The following ITFG1 variants were observed in gnomAD, a reference collection of about 807,000 sequenced individuals.
The protein encoded by ITFG1 is integrin alpha FG-GAP repeat containing 1, also known as T-cell immunomodulatory protein.
ITFG1 carries 34 observed loss-of-function variants against 81.8 expected under a neutral mutation model. The ratio of observed to expected loss-of-function variants is 0.42; its 90% CI spans 0.32 to 0.55. The LOEUF (loss-of-function observed/expected upper bound fraction) is 0.55. Ranked by LOEUF, ITFG1 falls within the 20% of genes least tolerant of loss-of-function variation. The probability of loss-of-function intolerance (pLI) is 0.17; values close to 1 mark genes in which losing one functional copy is unlikely to be tolerated. For missense variants in ITFG1, 672 were observed against 755.4 expected, an observed-to-expected ratio of 0.89 and a Z score of 1.29; for synonymous variants, 285 against 270.6, an observed-to-expected ratio of 1.05 and a Z score of -0.52.
chr16:47,394,510 A>G (rs562728840), intron 6 of ITFG1, among the ~76,000 whole-genome samples: 3 of 152,066 alleles, frequency 2.0e-5, no homozygotes, highest in Non-Finnish European at 4.4e-5. Flanking sequence ...ACAAACACAC[A>G]CTGTCTTTGA....
intron 8 of ITFG1, among the ~76,000 whole-genome samples, chr16:47,365,344 G>A (rs1014316411): frequency 3.3e-5 from 5 of 152,140 alleles, no homozygotes; most frequent in African/African-American, 1.2e-4. Context: ...AAATTCATAT[G>A]TCCTCTTTTG....
chr16:47,163,689 C>T (rs528678616), intron 14 of ITFG1, among the ~76,000 whole-genome samples: 20 of 152,180 alleles, frequency 1.3e-4, no homozygotes, highest in African/African-American at 3.9e-4. Flanking sequence ...TAGGAACTAT[C>T]GAACTGTTTC....
chr16:47,198,925 G>T (rs1249349501), intron 14 of ITFG1, among the ~76,000 whole-genome samples: 2 of 152,196 alleles, frequency 1.3e-5, no homozygotes, highest in African/African-American at 4.8e-5. Context: ...ACAAGGTAAA[G>T]AAGTTACAGT....
chr16:47,309,244 T>C (rs1195915365), intron 10 of ITFG1, among the ~76,000 whole-genome samples: 1 of 151,962 alleles, frequency 6.6e-6, no homozygotes, highest in Non-Finnish European at 1.5e-5. Context: ...AATTTTTATA[T>C]TTTTAATAGA....
intron 5 of ITFG1, chr16:47,449,310 G>C (rs1473551673): frequency 2.6e-5 from 4 of 152,146 alleles, no homozygotes; most frequent in African/African-American, 4.8e-5. Flanking sequence ...TGCCAATCAA[G>C]GTCACGTGAA....
chr16:47,373,657 T>G (rs2151589944), intron 7 of ITFG1, among the ~76,000 whole-genome samples: 1 of 152,292 alleles, frequency 6.6e-6, no homozygotes, highest in East Asian at 1.9e-4. Context: ...TGAATTCCTG[T>G]AGCATAATGT....
At chr16:47,337,569 CATAAA>C (rs1330321105) in intron 8 of ITFG1, among the ~76,000 whole-genome samples, 1 of 152,056 alleles carries the variant, frequency 6.6e-6, no homozygotes, top group Non-Finnish European at 1.5e-5. Flanking sequence ...GACTCTGTCT[CATAAA>C]ATAAAAATAA....
rs375447732 is a variant in ITFG1 at position 47,285,283 on chromosome 16, C to T, written c.1071-24588G>A. ...AAAAGGAAAGGGTTCAGTAAACATC[C>T]GAGCTGAACAAGTGGAGATTGCTGG... On this transcript the variant is annotated intron_variant, in intron 10 of 17. Coordinates refer to ENST00000320640, the MANE Select transcript of ITFG1 (RefSeq NM_030790.5). Among the ~76,000 whole-genome samples the T allele has an allele frequency of 3.9e-5, 6 of 152,158 alleles. No homozygotes were observed. In the East Asian group the frequency reaches 5.8e-4, roughly 15 times the overall value.
intron 13 of ITFG1, among the ~76,000 whole-genome samples, chr16:47,226,678 C>T (rs931667101): frequency 6.6e-6 from 1 of 151,992 alleles, no homozygotes; most frequent in African/African-American, 2.4e-5. Flanking sequence ...TATTAAAACA[C>T]TCCCTTTTCT....
intron 14 of ITFG1, among the ~76,000 whole-genome samples, chr16:47,166,980 T>C (rs1017255549): frequency 2.6e-5 from 4 of 152,318 alleles, no homozygotes; most frequent in African/African-American, 9.6e-5. Context: ...TCACATAGCA[T>C]ACAATTAACT....
intron 5 of ITFG1, among the ~76,000 whole-genome samples, chr16:47,442,284 C>G (rs896972526): frequency 6.6e-6 from 1 of 152,092 alleles, no homozygotes; most frequent in African/African-American, 2.4e-5. Context: ...CAATGCCATC[C>G]CCATCAAACT....
chr16:47,360,591 T>C (rs1968096750), intron 8 of ITFG1, among the ~76,000 whole-genome samples: 1 of 152,178 alleles, frequency 6.6e-6, no homozygotes, highest in Non-Finnish European at 1.5e-5. Flanking sequence ...AATATAATCA[T>C]CACCTGTTTA....
intron 5 of ITFG1, among the ~76,000 whole-genome samples, chr16:47,438,343 T>G (rs781330017): frequency 6.6e-6 from 1 of 152,148 alleles, no homozygotes; most frequent in Non-Finnish European, 1.5e-5. Flanking sequence ...GAGTAGTGGT[T>G]CTCCAGGCAT....
At chr16:47,443,602 C>G (rs149864612) in intron 5 of ITFG1, among the ~76,000 whole-genome samples, 1 of 152,178 alleles carries the variant, frequency 6.6e-6, no homozygotes, top group Non-Finnish European at 1.5e-5. Flanking sequence ...TTTGTGGGGA[C>G]ATGGATGAAG....
intron 14 of ITFG1, among the ~76,000 whole-genome samples, chr16:47,201,554 C>T (rs985521597): frequency 2.0e-5 from 3 of 152,076 alleles, no homozygotes; most frequent in African/African-American, 7.2e-5. Flanking sequence ...AAATATCTTA[C>T]TGAATTTATA....
intron 8 of ITFG1, among the ~76,000 whole-genome samples, chr16:47,340,283 AT>A (rs1412105815): frequency 6.6e-6 from 1 of 152,200 alleles, no homozygotes; most frequent in African/African-American, 2.4e-5. Flanking sequence ...TTATTGTATT[AT>A]TTATCTGTAA....
At chr16:47,180,903 T>C (rs1304290781) in intron 14 of ITFG1, among the ~76,000 whole-genome samples, 1 of 134,100 alleles carries the variant, frequency 7.5e-6, no homozygotes, top group African/African-American at 2.9e-5. Context: ...GTGAGGAGCG[T>C]CTCTGCCCGG....
intron 8 of ITFG1, among the ~76,000 whole-genome samples, chr16:47,323,097 T>C (rs1398243024): frequency 6.6e-6 from 1 of 152,146 alleles, no homozygotes; most frequent in African/African-American, 2.4e-5. Flanking sequence ...ACTACTATTA[T>C]GATTTGAATA....
chr16:47,218,912 A>G lies in ITFG1; in HGVS notation c.1409T>C (p.Met470Thr), dbSNP rs1316981269. The stretch of plus-strand genomic sequence containing the variant: ...CCCATTTGCATCTACAGTTGTATAC[A>G]TGATATAAGGTCCAGGTTGATTCAC... Reference protein sequence around the residue: ...FGVNQPGPYIMYTTVDANGYL... With the variant: ...FGVNQPGPYITYTTVDANGYL... The change falls in exon 14 of 18, where the codon ATG (methionine) becomes ACG (threonine). Residue 470 changes from methionine (M) to threonine (T), a missense_variant. Physicochemically the swap from Met to Thr is moderately conservative, Grantham distance 81 (BLOSUM62 -1). Coordinates refer to ENST00000320640, the MANE Select transcript of ITFG1 (RefSeq NM_030790.5). The G allele has an allele frequency of 2.5e-6, 4 of 1,603,964 alleles. No individual in the cohort carries two copies. Among genetic ancestry groups the G allele is most frequent in the Non-Finnish European group, 3.4e-6 (4 of 1,174,920 alleles).
Sources: allele counts gnomAD v4.1 joint callset (sites outside exome capture counted in the v4.1 genomes callset), GRCh38; gene constraint gnomAD v4.1.1; transcripts MANE v1.5; gene names NCBI Gene and HGNC (gene_info 2026-07-23, HGNC 2026-07-21).